Variants in PTPRM observed in about 807,000 individuals in gnomAD.
The protein encoded by PTPRM is receptor-type tyrosine-protein phosphatase mu.
In PTPRM, 47 loss-of-function variants were observed where a neutral mutation model predicts 186.7. That is an observed-to-expected ratio of 0.25 (90% CI 0.20 to 0.32). The LOEUF is 0.32. Among genes scored for constraint, PTPRM ranks in the 10% least tolerant of loss-of-function variants. The pLI is 1.00. For missense variants in PTPRM, 1,494 were observed against 1,865.0 expected, an observed-to-expected ratio of 0.80 and a Z score of 3.66; for synonymous variants, 668 against 674.9, an observed-to-expected ratio of 0.99 and a Z score of 0.16.
intron 5 of PTPRM, among the ~76,000 whole-genome samples, chr18:7,933,215 A>T (rs1320555336): frequency 6.6e-6 from 1 of 152,264 alleles, no homozygotes; most frequent in African/African-American, 2.4e-5. Context: ...GGCAATTTGG[A>T]TATGGCCAAA....
chr18:7,915,714 A>C (rs568630295), intron 4 of PTPRM, among the ~76,000 whole-genome samples: 1 of 152,328 alleles, frequency 6.6e-6, no homozygotes, highest in East Asian at 1.9e-4. Context: ...GAATTTTTGC[A>C]TATATTCGGA....
chr18:8,359,041 T>G lies in PTPRM; in HGVS notation c.3055-11849T>G, dbSNP rs142038024. Among the ~76,000 whole-genome samples, 1,368 of 152,320 alleles carry G rather than the reference T, an allele frequency of 9.0e-3. 23 individuals are homozygous for G. The highest frequency in any genetic ancestry group is 0.031 in the African/African-American group (1,274 of 41,560). On this transcript the variant is annotated intron_variant, in intron 23 of 32. Transcript: ENST00000580170. ...ATGTGTCTACATTTAGCCTACCCAA[T>G]TAATCCTTTTGTATTAAATACTTGG...
At chr18:7,910,919 T>C (rs552618679) in intron 4 of PTPRM, among the ~76,000 whole-genome samples, 34 of 152,284 alleles carry the variant, frequency 2.2e-4, no homozygotes, top group African/African-American at 7.5e-4. Context: ...CTCTAGACCC[T>C]ATTCTCCCGA....
intron 13 of PTPRM, among the ~76,000 whole-genome samples, chr18:8,141,325 C>T (rs912544710): frequency 2.0e-5 from 3 of 152,198 alleles, no homozygotes; most frequent in African/African-American, 7.2e-5. Flanking sequence ...TCCCATTTAG[C>T]GTGGTTGCTA....
At chr18:7,767,366 T>C (rs1012513638) in intron 1 of PTPRM, among the ~76,000 whole-genome samples, 1 of 152,216 alleles carries the variant, frequency 6.6e-6, no homozygotes, top group Non-Finnish European at 1.5e-5. Flanking sequence ...GGTCAAGATG[T>C]CATGACTATG....
intron 1 of PTPRM, among the ~76,000 whole-genome samples, chr18:7,637,659 C>G (rs763184821): frequency 6.6e-6 from 1 of 152,086 alleles, no homozygotes; most frequent in Non-Finnish European, 1.5e-5. Flanking sequence ...ATAGTAGGTT[C>G]TTAATAATCA....
chr18:8,257,107 G>A (rs145298602), intron 19 of PTPRM, among the ~76,000 whole-genome samples: 8 of 152,308 alleles, frequency 5.3e-5, no homozygotes, highest in Admixed American at 1.3e-4. Context: ...AGAGAGATGC[G>A]CAGGCATACT....
intron 19 of PTPRM, among the ~76,000 whole-genome samples, chr18:8,295,811 G>A (rs2095091111): frequency 6.6e-6 from 1 of 152,098 alleles, no homozygotes; most frequent in Non-Finnish European, 1.5e-5. Flanking sequence ...AGGCATCATA[G>A]TGCCAAATCC....
chr18:8,070,068 C>A, intron 8 of PTPRM, 74 bp downstream of exon 8: 2 of 1,346,500 alleles, frequency 1.5e-6, no homozygotes, highest in Non-Finnish European at 2.0e-6. Context: ...GAGATCTTTG[C>A]TGTGCAGATG....
chr18:7,928,066 T>C (rs561435661), intron 5 of PTPRM, among the ~76,000 whole-genome samples: 1 of 152,152 alleles, frequency 6.6e-6, no homozygotes, highest in Non-Finnish European at 1.5e-5. Context: ...TTCTTCTCTT[T>C]CTGGGGAAAA....
chr18:7,851,878 G>A (rs922769077), intron 2 of PTPRM, among the ~76,000 whole-genome samples: 22 of 152,262 alleles, frequency 1.4e-4, no homozygotes, highest in Middle Eastern at 3.4e-3. Context: ...GACAGCAATA[G>A]CTTGTTAACT....
chr18:7,757,261 G>C (rs978534161), intron 1 of PTPRM, among the ~76,000 whole-genome samples: 1 of 152,334 alleles, frequency 6.6e-6, no homozygotes, highest in African/African-American at 2.4e-5. Flanking sequence ...CATGTGTTCT[G>C]TATTCCTGAC....
At chr18:8,048,597 A>G (rs868568497) in intron 7 of PTPRM, among the ~76,000 whole-genome samples, 4 of 152,180 alleles carry the variant, frequency 2.6e-5, no homozygotes, top group South Asian at 2.1e-4. Flanking sequence ...AAAAAAAAAA[A>G]AGTTGGTAGT....
At chr18:8,199,864 C>T (rs909351543) in intron 14 of PTPRM, among the ~76,000 whole-genome samples, 4 of 151,994 alleles carry the variant, frequency 2.6e-5, no homozygotes, top group African/African-American at 9.7e-5. Flanking sequence ...TTTATTGGCG[C>T]TGTGTGTATA....
At chr18:8,055,453 G>C (rs988639607) in intron 7 of PTPRM, among the ~76,000 whole-genome samples, 3 of 152,016 alleles carry the variant, frequency 2.0e-5, no homozygotes, top group Non-Finnish European at 4.4e-5. Context: ...TATCCATTGA[G>C]GTTTTTGTTT....
intron 22 of PTPRM, among the ~76,000 whole-genome samples, chr18:8,341,484 G>A (rs1373496314): frequency 6.6e-6 from 1 of 152,148 alleles, no homozygotes; most frequent in African/African-American, 2.4e-5. Context: ...ATATGCTGGA[G>A]GCAGAATGGG....
chr18:7,756,621 G>T (rs1568084704), intron 1 of PTPRM, among the ~76,000 whole-genome samples: 2 of 152,134 alleles, frequency 1.3e-5, no homozygotes, highest in Admixed American at 1.3e-4. Context: ...TTATGTAGTA[G>T]ATTTGTGAGG....
chr18:7,766,675 G>A (rs77794149), intron 1 of PTPRM, among the ~76,000 whole-genome samples: 4 of 152,306 alleles, frequency 2.6e-5, no homozygotes, highest in Non-Finnish European at 5.9e-5. Context: ...TGTGCCCTGA[G>A]GGACCTGCCA....
chr18:7,897,162 C>T (rs1349819818), intron 3 of PTPRM, among the ~76,000 whole-genome samples: 1 of 152,156 alleles, frequency 6.6e-6, no homozygotes, highest in South Asian at 2.1e-4. Context: ...TTCTGCAGGC[C>T]ATTTCGGAGG....
Sources: allele counts gnomAD v4.1 joint callset (sites outside exome capture counted in the v4.1 genomes callset), GRCh38; gene constraint gnomAD v4.1.1; transcripts MANE v1.5; gene names NCBI Gene and HGNC (gene_info 2026-07-23, HGNC 2026-07-21).